CDH8: variants seen among roughly 807,000 people sequenced by gnomAD.
CDH8 encodes the protein cadherin-8.
Under a neutral mutation model 68.1 loss-of-function variants are expected in CDH8, and 17 were observed. The observed-to-expected ratio is 0.25, with a 90% CI of 0.17 to 0.37. The LOEUF (loss-of-function observed/expected upper bound fraction) is 0.37. Among genes scored for constraint, CDH8 ranks in the 10% least tolerant of loss-of-function variants. The pLI is 1.00. For synonymous variants in CDH8, 372 were observed against 365.1 expected (o/e 1.02, Z -0.21); for missense variants, 763 against 999.3 (o/e 0.76, Z 3.19).
At chr16:61,812,691 A>G (rs1961979140) in intron 7 of CDH8, among the ~76,000 whole-genome samples, 1 of 152,212 alleles carries the variant, frequency 6.6e-6, no homozygotes, top group African/African-American at 2.4e-5. Context: ...AATTTGCTGC[A>G]TATAACAACT....
intron 8 of CDH8, among the ~76,000 whole-genome samples, chr16:61,733,188 G>A (rs985276425): frequency 6.6e-6 from 1 of 151,760 alleles, no homozygotes; most frequent in Non-Finnish European, 1.5e-5. Context: ...CTTGAATTAA[G>A]ATGATATACA....
intron 8 of CDH8, among the ~76,000 whole-genome samples, chr16:61,760,821 T>A (rs955130034): frequency 2.6e-5 from 4 of 152,006 alleles, no homozygotes; most frequent in African/African-American, 9.7e-5. Flanking sequence ...ATTAAACAAA[T>A]AAAAATAACT....
Position 61,859,314 on chromosome 16 carries a change from G to T in CDH8, c.548-2076C>A, listed in dbSNP as rs527242053. ...GAAGAATTGGGAGTAAAACCTTCTA[G>T]GTAAAAGGAAGATAGTGAGATAAAA... On this transcript the variant is annotated intron_variant, in intron 3 of 11. Transcript: ENST00000577390. Among the ~76,000 whole-genome samples the T allele has an allele frequency of 2.6e-5, 4 of 152,220 alleles. No homozygotes were observed. The South Asian group carries it at 8.3e-4, about 32-fold the overall frequency.
intron 10 of CDH8, among the ~76,000 whole-genome samples, chr16:61,697,405 C>G (rs1481751755): frequency 6.6e-6 from 1 of 152,114 alleles, no homozygotes; most frequent in Non-Finnish European, 1.5e-5. Context: ...GACCCTTACC[C>G]AGGAATTGAT....
At chr16:61,879,741 TGCCATGCATCCA>T (rs1411198197) in intron 3 of CDH8, among the ~76,000 whole-genome samples, 2 of 152,168 alleles carry the variant, frequency 1.3e-5, no homozygotes, top group Non-Finnish European at 2.9e-5. Flanking sequence ...CTGAGATGTC[TGCCATGCATCCA>T]GCCAGTCCTG....
intron 10 of CDH8, among the ~76,000 whole-genome samples, chr16:61,701,469 A>G (rs572060889): frequency 6.6e-6 from 1 of 152,296 alleles, no homozygotes; most frequent in East Asian, 1.9e-4. Context: ...TTTTATTTTA[A>G]AAGTTTAATA....
At chr16:61,777,767 C>T (rs1960937065) in intron 8 of CDH8, among the ~76,000 whole-genome samples, 1 of 152,082 alleles carries the variant, frequency 6.6e-6, no homozygotes, top group Admixed American at 6.6e-5. Context: ...CTGACATGGG[C>T]TATGCGCAGA....
intron 2 of CDH8, among the ~76,000 whole-genome samples, chr16:62,016,754 T>C (rs1034902277): frequency 1.2e-4 from 19 of 152,180 alleles, no homozygotes; most frequent in Non-Finnish European, 2.4e-4. Context: ...TATTTGCTTT[T>C]CAGAAATCCA....
chr16:61,994,191 A>G (rs1965774069), intron 2 of CDH8, among the ~76,000 whole-genome samples: 1 of 152,138 alleles, frequency 6.6e-6, no homozygotes, highest in Non-Finnish European at 1.5e-5. Flanking sequence ...CATTTGTGCC[A>G]TTCACTCTTA....
chr16:61,772,910 C>CGGAG (rs1284999573), intron 8 of CDH8, among the ~76,000 whole-genome samples: 1 of 152,008 alleles, frequency 6.6e-6, no homozygotes, highest in Non-Finnish European at 1.5e-5. Context: ...CTCACTACTC[C>CGGAG]ATTCATAACC....
chr16:61,936,899 C>A (rs938495622), intron 2 of CDH8, among the ~76,000 whole-genome samples: 5 of 152,122 alleles, frequency 3.3e-5, no homozygotes, highest in Non-Finnish European at 5.9e-5. Context: ...TTATCATATT[C>A]TTATTTTAAA....
chr16:61,695,467 G>A (rs906207266), intron 10 of CDH8, among the ~76,000 whole-genome samples: 4 of 152,102 alleles, frequency 2.6e-5, no homozygotes, highest in African/African-American at 4.8e-5. Context: ...GGGTCAATTC[G>A]TTTAGTAATA....
chr16:61,891,884 T>C (rs1963784923), intron 3 of CDH8, among the ~76,000 whole-genome samples: 2 of 152,232 alleles, frequency 1.3e-5, no homozygotes, highest in Non-Finnish European at 2.9e-5. Flanking sequence ...CATCTCTCCT[T>C]TAAAAATAGA....
chr16:61,743,212 G>A (rs1316705953), intron 8 of CDH8: 6 of 152,032 alleles, frequency 3.9e-5, no homozygotes, highest in Non-Finnish European at 8.8e-5. Context: ...TTGGAAGCTC[G>A]ACTACCCTAC....
At chr16:61,774,887 A>C (rs1960866996) in intron 8 of CDH8, among the ~76,000 whole-genome samples, 1 of 152,208 alleles carries the variant, frequency 6.6e-6, no homozygotes, top group Non-Finnish European at 1.5e-5. Flanking sequence ...TAACAAAGGA[A>C]CCAGATCCAA....
At chr16:61,992,363 T>C (rs1259480536) in intron 2 of CDH8, among the ~76,000 whole-genome samples, 1 of 144,890 alleles carries the variant, frequency 6.9e-6, no homozygotes, top group Non-Finnish European at 1.5e-5. Flanking sequence ...ACACCGCATG[T>C]TCTCACTCAT....
In CDH8 at chr16:61,960,015, T is replaced by TATATATAC. The variant is rs1198530274; in HGVS notation, c.253-58543_253-58542insGTATATAT. Among the ~76,000 whole-genome samples, 121 of 73,224 alleles carry TATATATAC rather than the reference T, an allele frequency of 1.7e-3. 13 individuals carry two copies. Among genetic ancestry groups the TATATATAC allele is most frequent in the African/African-American group, 4.1e-3 (39 of 9,620 alleles). The allele number at this position is 73,224 out of a possible 152,430, so 48.0% of individuals were successfully genotyped here. ...ATATATATATATATATATATATATA[T>TATATATAC]ACACACATACACACACACACACAAC... On this transcript the variant is annotated intron_variant, in intron 2 of 11. Transcript: ENST00000577390.
chr16:61,661,758 T>C (rs1355388696), intron 10 of CDH8, among the ~76,000 whole-genome samples: 1 of 151,634 alleles, frequency 6.6e-6, no homozygotes, highest in East Asian at 1.9e-4. Context: ...ATTAGTAAAA[T>C]AGGGAATAGA....
intron 9 of CDH8, among the ~76,000 whole-genome samples, chr16:61,718,215 C>T (rs1596895796): frequency 1.3e-5 from 2 of 151,414 alleles, no homozygotes; most frequent in East Asian, 1.9e-4. Context: ...TCCTTGCTTG[C>T]TTTGCTTTAG....
Sources: allele counts gnomAD v4.1 joint callset (sites outside exome capture counted in the v4.1 genomes callset), GRCh38; gene constraint gnomAD v4.1.1; transcripts MANE v1.5; gene names NCBI Gene and HGNC (gene_info 2026-07-23, HGNC 2026-07-21).